Variants in VRK1 observed in about 807,000 individuals in gnomAD.
VRK1 encodes VRK serine/threonine kinase 1.
VRK1 carries 33 observed loss-of-function variants against 57.1 expected under a neutral mutation model. That is an observed-to-expected ratio of 0.58 (90% CI 0.44 to 0.77). The LOEUF (loss-of-function observed/expected upper bound fraction) is 0.77, where lower values mean the gene tolerates loss of function less well. Among genes scored for constraint, VRK1 ranks in the 30% least tolerant of loss-of-function variants. VRK1 has a pLI of 0.00. For synonymous variants in VRK1, 137 were observed against 147.8 expected (o/e 0.93, Z 0.53); for missense variants, 413 against 477.3 (o/e 0.87, Z 1.25).
chr14:96,863,075 A>G (rs1322520247), intron 11 of VRK1, among the ~76,000 whole-genome samples: 1 of 152,186 alleles, frequency 6.6e-6, no homozygotes, highest in Non-Finnish European at 1.5e-5. Context: ...ATATTTGGAA[A>G]CTAGAGTGAA....
intron 3 of VRK1, among the ~76,000 whole-genome samples, chr14:96,839,084 G>GTT (rs555020075): frequency 0.086 from 9,633 of 112,302 alleles, 509 homozygotes; most frequent in African/African-American, 0.13. Context: ...CTTGTCTTGA[G>GTT]TTTTTTTTTT....
At chr14:96,847,185 CT>C (rs1887735629) in intron 4 of VRK1, 71 bp from the exon 5 acceptor site, 5 of 1,263,556 alleles carry the variant, frequency 4.0e-6, no homozygotes, top group Middle Eastern at 1.9e-4. Flanking sequence ...ACATTTTGCT[CT>C]TAATGATTTT....
rs117679365 is a variant in VRK1 at position 96,840,709 on chromosome 14, C to T, written c.216+2892C>T. Among the ~76,000 whole-genome samples the T allele has an allele frequency of 4.1e-4, 62 of 152,214 alleles. 2 individuals are homozygous for T. The East Asian group carries it at 6.0e-3, about 15-fold the overall frequency. ...CAAGTCTCCTTCTGACGTCTCATAA[C>T]GTTGAGGTTCAAATGATATGGTTAC... is the stretch of plus-strand genomic sequence containing the variant. On this transcript the variant is annotated intron_variant, in intron 3 of 12. Transcript: ENST00000216639.
chr14:96,827,669 C>T (rs538187395), intron 1 of VRK1, among the ~76,000 whole-genome samples: 58 of 152,280 alleles, frequency 3.8e-4, no homozygotes, highest in African/African-American at 1.4e-3. Flanking sequence ...TTGCTAGTTC[C>T]ATATTCCTTC....
intron 10 of VRK1, 85 bp from the exon 11 acceptor site, chr14:96,860,472 A>C: frequency 7.4e-7 from 1 of 1,344,880 alleles, no homozygotes; most frequent in Non-Finnish European, 1.0e-6. Flanking sequence ...TTGCATTCTA[A>C]CTTTACTATA....
At chr14:96,862,653 G>C (rs1488565347) in intron 11 of VRK1, among the ~76,000 whole-genome samples, 2 of 151,996 alleles carry the variant, frequency 1.3e-5, no homozygotes, top group Non-Finnish European at 2.9e-5. Context: ...TGCTGGATGA[G>C]AAGTTGGGGG....
At chr14:96,860,767 T>G in intron 11 of VRK1, 32 bp downstream of exon 11, 1 of 1,606,882 alleles carries the variant, frequency 6.2e-7, no homozygotes, top group Non-Finnish European at 8.5e-7. Context: ...TTCTTTGGTC[T>G]TCTTGTGTTT....
chr14:96,869,945 T>C (rs1888750198), intron 11 of VRK1, among the ~76,000 whole-genome samples: 1 of 152,144 alleles, frequency 6.6e-6, no homozygotes, highest in Non-Finnish European at 1.5e-5. Flanking sequence ...CCAGTATATA[T>C]ATAGGTTTTG....
intron 11 of VRK1, among the ~76,000 whole-genome samples, chr14:96,871,761 A>G (rs1888831249): frequency 6.6e-6 from 1 of 152,222 alleles, no homozygotes; most frequent in Non-Finnish European, 1.5e-5. Context: ...TACAGTCTTC[A>G]TCACTGAAAC....
At chr14:96,808,218 G>A (rs893964757) in intron 1 of VRK1, among the ~76,000 whole-genome samples, 2 of 152,104 alleles carry the variant, frequency 1.3e-5, no homozygotes, top group Non-Finnish European at 2.9e-5. Context: ...TCTGTGTTAA[G>A]TACTGTGGTA....
At chr14:96,803,273 G>A (rs1213901444) in intron 1 of VRK1, among the ~76,000 whole-genome samples, 7 of 151,166 alleles carry the variant, frequency 4.6e-5, no homozygotes, top group Non-Finnish European at 1.0e-4. Context: ...CCAGGGTCAA[G>A]CGATTCTCTT....
chr14:96,867,933 A>G (rs1295907018), intron 11 of VRK1, among the ~76,000 whole-genome samples: 1 of 151,576 alleles, frequency 6.6e-6, no homozygotes, highest in Non-Finnish European at 1.5e-5. Context: ...TGGCAGAGGG[A>G]TTGTTCTTTT....
At chr14:96,854,145 G>A (rs1315218804) in intron 7 of VRK1, among the ~76,000 whole-genome samples, 2 of 152,058 alleles carry the variant, frequency 1.3e-5, no homozygotes, top group Non-Finnish European at 2.9e-5. Flanking sequence ...TCTTAAAAAG[G>A]CAATCATCAA....
chr14:96,840,887 A>T (rs4905552), intron 3 of VRK1, among the ~76,000 whole-genome samples: 2 of 149,898 alleles, frequency 1.3e-5, no homozygotes, highest in Non-Finnish European at 3.0e-5. Context: ...ACAGTGTCTC[A>T]TCCTGTTGCC....
At chr14:96,813,333 G>A (rs1053224464) in intron 1 of VRK1, among the ~76,000 whole-genome samples, 4 of 152,130 alleles carry the variant, frequency 2.6e-5, no homozygotes, top group African/African-American at 9.7e-5. Flanking sequence ...AGTAAGAAAT[G>A]ATAACACAAA....
chr14:96,877,738 A>G (rs1595692863), intron 12 of VRK1: 1 of 919,464 alleles, frequency 1.1e-6, no homozygotes. Context: ...GCTGCGCATC[A>G]GGAAGACTCA....
intron 1 of VRK1, among the ~76,000 whole-genome samples, chr14:96,808,657 AC>A (rs1793280433): frequency 1.4e-5 from 2 of 140,464 alleles, no homozygotes; most frequent in Admixed American, 1.4e-4. Context: ...TGCCCTCTGG[AC>A]TTTTTTTTTT....
intron 12 of VRK1, 60 bp downstream of exon 12, chr14:96,876,180 C>A: frequency 6.5e-7 from 1 of 1,528,008 alleles, no homozygotes; most frequent in Non-Finnish European, 9.1e-7. Context: ...CATTTCCTCC[C>A]ATTAGATGAG....
At chr14:96,874,154 G>A (rs1213819488) in intron 11 of VRK1, among the ~76,000 whole-genome samples, 2 of 152,208 alleles carry the variant, frequency 1.3e-5, no homozygotes, top group African/African-American at 4.8e-5. Context: ...ATTCTCTGCT[G>A]TATGGAAAGC....
Sources: gnomAD v4.1 joint callset for allele counts (sites outside exome capture counted in the v4.1 genomes callset) on GRCh38, gnomAD v4.1.1 for gene constraint, MANE v1.5 for transcripts, NCBI Gene and HGNC (gene_info 2026-07-23, HGNC 2026-07-21) for gene names.